Variants in EPB41 observed in about 807,000 individuals in gnomAD.
The protein encoded by EPB41 is erythrocyte membrane protein band 4.1.
A neutral mutation model predicts 108.0 loss-of-function variants in EPB41; 65 were observed. That is an observed-to-expected ratio of 0.60 (90% CI 0.49 to 0.74). EPB41 has a LOEUF of 0.74. EPB41 is among the 30% of genes least tolerant of loss of function. The probability of loss-of-function intolerance (pLI) is 0.00; values close to 1 mark genes in which losing one functional copy is unlikely to be tolerated. For synonymous variants in EPB41, 336 were observed against 358.9 expected (o/e 0.94, Z 0.72); for missense variants, 875 against 1,037.0 (o/e 0.84, Z 2.15).
At chr1:28,950,160 G>A (rs1571233294) in intron 1 of EPB41, among the ~76,000 whole-genome samples, 1 of 152,076 alleles carries the variant, frequency 6.6e-6, no homozygotes, top group Admixed American at 6.6e-5. Flanking sequence ...TTTCTCTAAG[G>A]TAGATACTTA....
chr1:29,068,334 G>A (rs1649445564), intron 16 of EPB41, among the ~76,000 whole-genome samples: 1 of 152,184 alleles, frequency 6.6e-6, no homozygotes, highest in Admixed American at 6.5e-5. Context: ...TCCTCTCTTG[G>A]ATGAGGCTGG....
chr1:28,907,985 G>A (rs966244628), intron 1 of EPB41, among the ~76,000 whole-genome samples: 1 of 152,034 alleles, frequency 6.6e-6, no homozygotes, highest in Non-Finnish European at 1.5e-5. Context: ...CATCTAAGCT[G>A]TAGTTTCTTC....
chr1:29,000,642 A>G (rs1438063508), intron 4 of EPB41, among the ~76,000 whole-genome samples: 1 of 152,188 alleles, frequency 6.6e-6, no homozygotes, highest in Non-Finnish European at 1.5e-5. Flanking sequence ...TGGGGAAGTC[A>G]GTGGGCAAGT....
At chr1:28,995,679 TCAGA>T (rs2096154298) in intron 3 of EPB41, among the ~76,000 whole-genome samples, 1 of 152,220 alleles carries the variant, frequency 6.6e-6, no homozygotes, top group South Asian at 2.1e-4. Flanking sequence ...ACCCACATGA[TCAGA>T]CATAGTATTT....
intron 17 of EPB41, among the ~76,000 whole-genome samples, chr1:29,102,029 CAG>C (rs1164532171): frequency 6.6e-6 from 1 of 152,006 alleles, no homozygotes; most frequent in East Asian, 1.9e-4. Context: ...TCGAGAGAGA[CAG>C]AGAAATGAAT....
chr1:28,997,639 TGTATC>T (rs1470842914), intron 4 of EPB41, among the ~76,000 whole-genome samples: 1 of 152,118 alleles, frequency 6.6e-6, no homozygotes, highest in Non-Finnish European at 1.5e-5. Context: ...CAATTGGTAT[TGTATC>T]TAATGCATAG....
At chr1:29,042,710 C>A (rs1329092101) in intron 11 of EPB41, among the ~76,000 whole-genome samples, 3 of 151,518 alleles carry the variant, frequency 2.0e-5, no homozygotes, top group Non-Finnish European at 4.4e-5. Context: ...AACTCCTGGC[C>A]TCAAGTAATC....
rs1337330532 is a variant in EPB41, at chr1:29,118,335, C to T, written c.*1523C>T. 1 of 152,172 alleles carries T rather than the reference C, an allele frequency of 6.6e-6. No individual in the cohort carries two copies. The highest frequency in any genetic ancestry group is 1.9e-4 in the East Asian group (1 of 5,204). The allele number at this position is 152,172 out of a possible 1,614,324, so 9.4% of individuals were successfully genotyped here. ...TGTTAGGCTGGTCTCGAACTCCTGA[C>T]CTCAGGTGATCCACCCACCTTGGCC... On this transcript the variant is annotated 3_prime_UTR_variant, in exon 21 of 21. Transcript: ENST00000343067.
At chr1:29,055,625 C>G (rs531399614) in intron 12 of EPB41, among the ~76,000 whole-genome samples, 1 of 141,746 alleles carries the variant, frequency 7.1e-6, no homozygotes, top group South Asian at 2.4e-4. Context: ...TTAAGGGTGA[C>G]TCTGAGCTGA....
intron 1 of EPB41, among the ~76,000 whole-genome samples, chr1:28,902,644 A>T (rs1273578982): frequency 6.6e-6 from 1 of 152,146 alleles, no homozygotes; most frequent in Non-Finnish European, 1.5e-5. Flanking sequence ...CTGGGTCTCT[A>T]TGCCTGGCCT....
At chr1:28,931,916 G>A (rs577213720) in intron 1 of EPB41, among the ~76,000 whole-genome samples, 1 of 152,306 alleles carries the variant, frequency 6.6e-6, no homozygotes, top group Admixed American at 6.5e-5. Flanking sequence ...GCAGGGGCCA[G>A]TACAAATGAG....
intron 16 of EPB41, among the ~76,000 whole-genome samples, chr1:29,088,982 A>G (rs926609842): frequency 2.6e-5 from 4 of 152,170 alleles, no homozygotes; most frequent in African/African-American, 9.7e-5. Context: ...TAAATAGGAC[A>G]TGTGCTTTGG....
chr1:28,993,556 C>G lies in EPB41; in HGVS notation c.681+14C>G, dbSNP rs752498663. On this transcript the variant is annotated intron_variant, in intron 3 of 20. Transcript: ENST00000343067. ...TGTGTTGTGGAGGTGAGTATGTTTT[C>G]ATTTCCAACAATCAGAACTCTTACA... 18 of 1,611,952 alleles carry G rather than the reference C, an allele frequency of 1.1e-5. No individual in the cohort carries two copies. In the South Asian group the frequency reaches 1.9e-4, roughly 17 times the overall value.
intron 1 of EPB41, among the ~76,000 whole-genome samples, chr1:28,952,850 C>T (rs2094790119): frequency 6.6e-6 from 1 of 151,988 alleles, no homozygotes; most frequent in South Asian, 2.1e-4. Context: ...TTGTCTTTTC[C>T]TGGAAACAAC....
At chr1:28,938,331 GA>G (rs745370648) in intron 1 of EPB41, among the ~76,000 whole-genome samples, 1 of 152,126 alleles carries the variant, frequency 6.6e-6, no homozygotes, top group Admixed American at 6.6e-5. Context: ...TCTAATCTAT[GA>G]ACATGGGATT....
At chr1:29,102,794 CAG>C (rs1198770547) in intron 17 of EPB41, among the ~76,000 whole-genome samples, 1 of 151,556 alleles carries the variant, frequency 6.6e-6, no homozygotes, top group African/African-American at 2.4e-5. Flanking sequence ...TTGTTTGAGA[CAG>C]AGTTTCCCTC....
At chr1:29,078,640 C>T (rs945239741) in intron 16 of EPB41, among the ~76,000 whole-genome samples, 4 of 152,064 alleles carry the variant, frequency 2.6e-5, no homozygotes, top group Admixed American at 1.3e-4. Flanking sequence ...CCCAGCTACA[C>T]GGGAGCCTGA....
At chr1:28,915,731 C>CTTTTTTTTTTTTTTTTTTTTTTTGTTTTT (rs11321625) in intron 1 of EPB41, among the ~76,000 whole-genome samples, 6 of 56,074 alleles carry the variant, frequency 1.1e-4, no homozygotes, top group Non-Finnish European at 1.6e-4. Flanking sequence ...TTTTCAGATG[C>CTTTTTTTTTTTTTTTTTTTTTTTGTTTTT]TTTTTTTTTT....
At chr1:28,917,893 C>G (rs2092800460) in intron 1 of EPB41, among the ~76,000 whole-genome samples, 2 of 151,716 alleles carry the variant, frequency 1.3e-5, no homozygotes, top group African/African-American at 4.8e-5. Context: ...CTGTGCCCAG[C>G]TTAGTCTGTA....
Sources: gnomAD v4.1 joint callset for allele counts (sites outside exome capture counted in the v4.1 genomes callset) on GRCh38, gnomAD v4.1.1 for gene constraint, MANE v1.5 for transcripts, NCBI Gene and HGNC (gene_info 2026-07-23, HGNC 2026-07-21) for gene names.